Variants in CWC22 observed in about 807,000 individuals in gnomAD.
The protein encoded by CWC22 is CWC22 spliceosome associated protein.
CWC22 carries 53 observed loss-of-function variants against 117.2 expected under a neutral mutation model. The ratio of observed to expected loss-of-function variants is 0.45; its 90% CI spans 0.36 to 0.57. The LOEUF is 0.57. CWC22 is among the 20% of genes least tolerant of loss of function. CWC22 has a pLI of 0.00. For missense variants in CWC22, 980 were observed against 1,068.8 expected (o/e 0.92, Z 1.16); for synonymous variants, 360 against 355.6 (o/e 1.01, Z -0.14).
intron 11 of CWC22, among the ~76,000 whole-genome samples, chr2:179,966,298 G>C (rs1686889185): frequency 6.6e-6 from 1 of 152,190 alleles, no homozygotes; most frequent in Non-Finnish European, 1.5e-5. Context: ...ATTAGGAATA[G>C]AAGTTAGTAT....
Position 179,965,977 on chromosome 2 carries a change from G to A in CWC22, c.1216C>T (p.Leu406Phe), listed in dbSNP as rs767185449. 1 of 1,607,790 alleles carries A rather than the reference G, an allele frequency of 6.2e-7. No individual in the cohort carries two copies. The highest frequency in any genetic ancestry group is 8.5e-7 in the Non-Finnish European group (1 of 1,176,394). ...TTCGAGTCAGTATCTCCCTCATCAA[G>A]AATTTCTGTAAAGTACAAAGTAAGT... ...EKYKAIKKEILDEGDTDSNTD... is the reference protein window; with the variant it reads ...EKYKAIKKEIFDEGDTDSNTD... The change falls in exon 12 of 20, where the codon CTT becomes TTT. Residue 406 changes from leucine to phenylalanine, a missense_variant. By Grantham distance (22) the Leu-to-Phe change is conservative. This residue lies in a region of CWC22 where 559 missense variants were observed against 602.3 expected (regional missense o/e 0.93). Coordinates refer to ENST00000410053, the MANE Select transcript of CWC22 (RefSeq NM_020943.3).
chr2:179,956,269 T>C (rs971045731), intron 14 of CWC22, among the ~76,000 whole-genome samples: 3 of 151,890 alleles, frequency 2.0e-5, no homozygotes, highest in African/African-American at 7.2e-5. Flanking sequence ...TCTAGAATTA[T>C]GCTGTTCAAC....
intron 17 of CWC22, among the ~76,000 whole-genome samples, chr2:179,951,214 CACGTGTGAATATATATAGTGTATATATAT>C (rs1686439406): frequency 6.6e-6 from 1 of 151,748 alleles, no homozygotes; most frequent in Non-Finnish European, 1.5e-5. Context: ...CACATATATA[CACGTGTGAATATATATAGTGTATATATAT>C]ACACACACGT....
chr2:179,987,257 G>A (rs964891534), intron 3 of CWC22, among the ~76,000 whole-genome samples: 1 of 152,116 alleles, frequency 6.6e-6, no homozygotes. Context: ...TGTTAATCTT[G>A]AAAATGCATT....
Position 179,945,481 on chromosome 2 carries a change from G to C in CWC22, c.2375C>G (p.Ser792Cys). Residue 792 changes from serine to cysteine, a missense_variant, in exon 20 of 20, where the codon TCT becomes TGT. Ser to Cys is a moderately radical substitution (Grantham distance 112). Around this residue, in one of 3 missense-constraint regions of CWC22, gnomAD observed 306 missense variants for 296.8 expected, o/e 1.03. Transcript: ENST00000410053. ...AACTCTACTGTAGTTATTTCGTTCA[G>C]AAGGAACATCTTTGTCTGATGTGTA... The part of the protein sequence containing the change: ...TKYTSDKDVP[S>C]ERNNYSRVAN... 6.2e-7 allele frequency: 1 copy of C among 1,612,864 alleles called. No individual in the cohort carries two copies. The highest frequency in any genetic ancestry group is 8.5e-7 in the Non-Finnish European group (1 of 1,179,220).
chr2:179,950,640 G>T lies in CWC22; in HGVS notation c.2012C>A (p.Ser671Tyr). ...VEQNKSSPSSSSSASSSSESD... is the reference protein window; with the variant it reads ...VEQNKSSPSSYSSASSSSESD... ...CTCTGAAGAGGAGGACGCTGAAGAGGAAGAGGATGGGGAGGATTTATTTTG... is the reference window on the plus strand; with the variant it reads ...CTCTGAAGAGGAGGACGCTGAAGAGTAAGAGGATGGGGAGGATTTATTTTG... Residue 671 changes from serine (S) to tyrosine (Y), a missense_variant, in exon 19 of 20, where the codon TCC becomes TAC. Coordinates refer to ENST00000410053, the MANE Select transcript of CWC22 (RefSeq NM_020943.3). The T allele has an allele frequency of 6.2e-7, 1 of 1,613,620 alleles. No individual in the cohort carries two copies. Among genetic ancestry groups the T allele is most frequent in the Non-Finnish European group, 8.5e-7 (1 of 1,179,620 alleles).
intron 5 of CWC22, 150 bp from the exon 6 acceptor site, chr2:179,978,468 GATAA>G (rs1293924635): frequency 1.1e-5 from 9 of 810,094 alleles, no homozygotes; most frequent in East Asian, 6.7e-5. Context: ...TGCCTATCAG[GATAA>G]ATAGATTATA....
rs187643581 is a variant in CWC22, at chr2:179,991,319, G to A, written c.27+1996C>T. 3.3e-5 allele frequency among the ~76,000 whole-genome samples: 5 copies of A among 152,304 alleles called. No homozygotes were observed. In the East Asian group the frequency reaches 9.7e-4, roughly 29 times the overall value. Reference sequence around the variant, plus strand: ...AGGGAAAAACAGGGGATTCTCAGTTGAAGCCTTATGAACCTAATAGGTGAG... The same window carrying A: ...AGGGAAAAACAGGGGATTCTCAGTTAAAGCCTTATGAACCTAATAGGTGAG... On this transcript the variant is annotated intron_variant, in intron 2 of 19. Coordinates refer to ENST00000410053, the MANE Select transcript of CWC22 (RefSeq NM_020943.3).
chr2:179,951,289 A>C (rs1445211965), intron 17 of CWC22, among the ~76,000 whole-genome samples: 1 of 151,766 alleles, frequency 6.6e-6, no homozygotes, highest in African/African-American at 2.4e-5. Flanking sequence ...AATTTTAAAA[A>C]CCTTCTCTGT....
chr2:179,993,774 T>G (rs1239538402), intron 1 of CWC22, among the ~76,000 whole-genome samples: 1 of 152,006 alleles, frequency 6.6e-6, no homozygotes, highest in Non-Finnish European at 1.5e-5. Context: ...CATACCTACA[T>G]CATAAAATAG....
chr2:179,985,221 A>G (rs1051366301), intron 4 of CWC22, among the ~76,000 whole-genome samples: 10 of 152,084 alleles, frequency 6.6e-5, no homozygotes, highest in African/African-American at 2.4e-4. Flanking sequence ...AAATATAGAC[A>G]TCCCAAAGTC....
Position 179,981,959 on chromosome 2 carries a change from T to G in CWC22, c.245A>C (p.Asp82Ala). ...DREKRRERERDTDRKRSRKSP... is the reference protein window; with the variant it reads ...DREKRRERERATDRKRSRKSP... ...TTTCCGAGACCTTTTCCGATCCGTA[T>G]CTCTTTCTCTTTCTCTGCGTTTTTC... Residue 82 changes from aspartate (D) to alanine (A), a missense_variant, in exon 5 of 20, where the codon GAT becomes GCT. Around this residue, in one of 3 missense-constraint regions of CWC22, gnomAD observed 559 missense variants for 602.3 expected, o/e 0.93. Transcript: ENST00000410053. 1 of 1,553,052 alleles carries G rather than the reference T, an allele frequency of 6.4e-7. No individual in the cohort carries two copies. Among genetic ancestry groups the G allele is most frequent in the Non-Finnish European group, 8.7e-7 (1 of 1,147,092 alleles).
chr2:179,947,083 CTAAGA>C (rs1307925691), intron 19 of CWC22, among the ~76,000 whole-genome samples: 3 of 152,104 alleles, frequency 2.0e-5, no homozygotes, highest in African/African-American at 4.8e-5. Context: ...ATCAAAGATG[CTAAGA>C]TAACAAAAAT....
intron 14 of CWC22, among the ~76,000 whole-genome samples, chr2:179,958,268 T>C (rs1288990864): frequency 1.4e-5 from 2 of 147,390 alleles, no homozygotes; most frequent in African/African-American, 2.5e-5. Flanking sequence ...GAGGCAGAGG[T>C]TGCAGTGAGC....
chr2:179,965,929 T>C lies in CWC22; in HGVS notation c.1264A>G (p.Ser422Gly). The change falls in exon 12 of 20, where the codon AGT (serine) becomes GGT (glycine). Residue 422 changes from serine (S) to glycine (G), a missense_variant. Ser to Gly is a moderately conservative substitution (Grantham distance 56). This residue lies in a region of CWC22 where 559 missense variants were observed against 602.3 expected (regional missense o/e 0.93). Coordinates refer to ENST00000410053, the MANE Select transcript of CWC22 (RefSeq NM_020943.3). ...TCTTCTTCTTCCTCGTCCTCTTCAC[T>C]ACTCCCAGCATCCTGGTCTGTGTTC... is the stretch of plus-strand genomic sequence containing the variant. Reference protein sequence around the residue: ...DSNTDQDAGSSEEDEEEEEEE... With the variant: ...DSNTDQDAGSGEEDEEEEEEE... 6.2e-7 allele frequency: 1 copy of C among 1,609,664 alleles called. No individual in the cohort carries two copies. The highest frequency in any genetic ancestry group is 1.3e-5 in the African/African-American group (1 of 74,968).
In CWC22 at chr2:179,962,684, C is replaced by T. The variant is rs564334850; in HGVS notation, c.1397+1863G>A. On this transcript the variant is annotated intron_variant, in intron 13 of 19. Coordinates refer to ENST00000410053, the MANE Select transcript of CWC22 (RefSeq NM_020943.3). ...ACAATTCTGTATATAATTATGTGTC[C>T]ATATTTATATCTTTAGGAAATACAG... is the stretch of plus-strand genomic sequence containing the variant. Among the ~76,000 whole-genome samples, 12 of 151,666 alleles carry T rather than the reference C, an allele frequency of 7.9e-5. No homozygotes were observed. The South Asian group carries it at 2.3e-3, about 29-fold the overall frequency.
chr2:180,000,792 A>AC (rs944974692), intron 1 of CWC22, among the ~76,000 whole-genome samples: 2 of 151,956 alleles, frequency 1.3e-5, no homozygotes, highest in African/African-American at 4.8e-5. Context: ...ATTTTCAGAC[A>AC]CTTTAAGACA....
At chr2:179,989,593 T>G (rs933074003) in intron 2 of CWC22, among the ~76,000 whole-genome samples, 1 of 152,132 alleles carries the variant, frequency 6.6e-6, no homozygotes, top group Non-Finnish European at 1.5e-5. Context: ...TATTCCAAAT[T>G]TTTTGAAAAA....
intron 6 of CWC22, 61 bp downstream of exon 6, chr2:179,978,129 G>A (rs946683003): frequency 1.5e-5 from 21 of 1,375,828 alleles, no homozygotes; most frequent in Non-Finnish European, 1.4e-5. Context: ...TGTTCATGTA[G>A]ATATTATATT....
Sources: gnomAD v4.1 joint callset for allele counts (sites outside exome capture counted in the v4.1 genomes callset) on GRCh38, gnomAD v4.1.1 for gene constraint, gnomAD v4.1.1 regional missense constraint, MANE v1.5 for transcripts, NCBI Gene and HGNC (gene_info 2026-07-23, HGNC 2026-07-21) for gene names.